The following CORO2B variants were observed in gnomAD, a reference collection of about 807,000 sequenced individuals.
CORO2B encodes the protein coronin-2B.
A neutral mutation model predicts 58.8 loss-of-function variants in CORO2B; 26 were observed. The ratio of observed to expected loss-of-function variants is 0.44; its 90% CI spans 0.32 to 0.61. The LOEUF (loss-of-function observed/expected upper bound fraction) is 0.61. Ranked by LOEUF, CORO2B falls within the 20% of genes least tolerant of loss-of-function variation. The probability of loss-of-function intolerance (pLI) is 0.04; values close to 1 mark genes in which losing one functional copy is unlikely to be tolerated. For missense variants in CORO2B, 460 were observed against 645.1 expected, an observed-to-expected ratio of 0.71 and a Z score of 3.11; for synonymous variants, 242 against 253.8, an observed-to-expected ratio of 0.95 and a Z score of 0.44.
Position 68,726,095 on chromosome 15 carries a change from C to T in CORO2B, c.*121C>T, listed in dbSNP as rs1893292637. The T allele has an allele frequency of 5.4e-6, 7 of 1,284,598 alleles. No homozygotes were observed. Among genetic ancestry groups the T allele is most frequent in the South Asian group, 1.3e-5 (1 of 75,308 alleles). The allele number at this position is 1,284,598 out of a possible 1,614,324, so 79.6% of individuals were successfully genotyped here. ...ACAGGAGTGGGGGCCAGCCTGAGGACCCCCGCCTACCACCTCGAGAACTGG... is the reference window on the plus strand; with the variant it reads ...ACAGGAGTGGGGGCCAGCCTGAGGATCCCCGCCTACCACCTCGAGAACTGG... On this transcript the variant is annotated 3_prime_UTR_variant, in exon 12 of 12. Transcript: ENST00000261861.
intron 1 of CORO2B, among the ~76,000 whole-genome samples, chr15:68,633,379 AC>A (rs376134918): frequency 2.9e-4 from 44 of 152,282 alleles, no homozygotes; most frequent in African/African-American, 1.0e-3. Flanking sequence ...ATGTTTTCAA[AC>A]AAAAACCCAT....
chr15:68,566,292 G>T, the CORO2B span, among the ~76,000 whole-genome samples: 5,911 of 152,214 alleles, frequency 0.039, 145 homozygotes, highest in Middle Eastern at 0.078. Flanking sequence ...CCATTTGATA[G>T]GAGAGGAAAC....
chr15:68,529,334 A>T, the CORO2B span, among the ~76,000 whole-genome samples: 6 of 152,188 alleles, frequency 3.9e-5, no homozygotes, highest in Non-Finnish European at 5.9e-5. Context: ...TGTTCTTTTC[A>T]AGTCATATCA....
chr15:68,690,190 T>C (rs1040200431), intron 2 of CORO2B, among the ~76,000 whole-genome samples: 1 of 152,222 alleles, frequency 6.6e-6, no homozygotes, highest in African/African-American at 2.4e-5. Context: ...AAATCAGTGA[T>C]CGTGGGAATA....
In CORO2B at chr15:68,725,834, C is replaced by A; in HGVS notation, c.1312-9C>A. On this transcript the variant is annotated splice_polypyrimidine_tract_variant and intron_variant, in intron 11 of 11. Transcript: ENST00000261861. ...GCCCTCCTTGGCCCCCTCTCTTCCTCCACCCCAGCTCCTTCGAATGTTCTT... is the reference window on the plus strand; with the variant it reads ...GCCCTCCTTGGCCCCCTCTCTTCCTACACCCCAGCTCCTTCGAATGTTCTT... 6.2e-7 allele frequency: 1 copy of A among 1,613,428 alleles called. No individual in the cohort carries two copies. The highest frequency in any genetic ancestry group is 2.2e-5 in the East Asian group (1 of 44,878).
chr15:68,655,080 G>A (rs1244147051), intron 2 of CORO2B, among the ~76,000 whole-genome samples: 12 of 152,178 alleles, frequency 7.9e-5, no homozygotes, highest in Non-Finnish European at 1.8e-4. Context: ...ATGGAGCCTG[G>A]TGGTGCCCCT....
At chr15:68,585,819 T>C (rs187275276) in intron 1 of CORO2B, among the ~76,000 whole-genome samples, 59 of 152,096 alleles carry the variant, frequency 3.9e-4, no homozygotes, top group African/African-American at 1.4e-3. Flanking sequence ...CGGGGAAGGG[T>C]GCTGGGGGAG....
chr15:68,694,732 G>A (rs1156395092), intron 2 of CORO2B, among the ~76,000 whole-genome samples: 1 of 152,226 alleles, frequency 6.6e-6, no homozygotes, highest in Non-Finnish European at 1.5e-5. Flanking sequence ...CAGCATCTGA[G>A]CGTGCGTGAA....
chr15:68,698,560 GCA>G (rs1181314767), intron 3 of CORO2B, among the ~76,000 whole-genome samples: 1 of 152,178 alleles, frequency 6.6e-6, no homozygotes, highest in East Asian at 1.9e-4. Context: ...GTTCAGTTTT[GCA>G]CACACTGACT....
intron 1 of CORO2B, among the ~76,000 whole-genome samples, chr15:68,614,508 C>T (rs1900307795): frequency 6.6e-6 from 1 of 152,132 alleles, no homozygotes; most frequent in African/African-American, 2.4e-5. Flanking sequence ...GCATACCAGA[C>T]CCTGCCAAGT....
At chr15:68,680,752 G>T (rs1466355554) in intron 2 of CORO2B, among the ~76,000 whole-genome samples, 2 of 152,164 alleles carry the variant, frequency 1.3e-5, no homozygotes, top group East Asian at 3.8e-4. Context: ...ATCTCACTAA[G>T]CTTCAGTTTC....
chr15:68,670,755 A>T (rs1902364207), intron 2 of CORO2B, among the ~76,000 whole-genome samples: 1 of 152,228 alleles, frequency 6.6e-6, no homozygotes, highest in Admixed American at 6.5e-5. Flanking sequence ...AAAGGAAAAC[A>T]ATGAGATATT....
chr15:68,633,514 TACACACACAC>T (rs147873341), intron 1 of CORO2B, among the ~76,000 whole-genome samples: 3 of 144,000 alleles, frequency 2.1e-5, no homozygotes, highest in African/African-American at 5.2e-5. Context: ...TACTCCAACA[TACACACACAC>T]ACACACACAC....
chr15:68,713,353 G>C (rs1003364626), intron 5 of CORO2B, among the ~76,000 whole-genome samples: 2 of 152,144 alleles, frequency 1.3e-5, no homozygotes, highest in Non-Finnish European at 2.9e-5. Flanking sequence ...CTCCCCTCTC[G>C]CTCCCTGTTC....
chr15:68,673,760 G>C (rs992812134), intron 2 of CORO2B, among the ~76,000 whole-genome samples: 2 of 149,558 alleles, frequency 1.3e-5, no homozygotes, highest in African/African-American at 2.5e-5. Context: ...TCACCTGAAC[G>C]GGGGAGACAG....
At chr15:68,660,726 C>T (rs1275812049) in intron 2 of CORO2B, among the ~76,000 whole-genome samples, 1 of 152,172 alleles carries the variant, frequency 6.6e-6, no homozygotes, top group Non-Finnish European at 1.5e-5. Context: ...TATCCACAAT[C>T]TCTTTCATTA....
At chr15:68,582,640 T>C (rs1899456096) in intron 1 of CORO2B, among the ~76,000 whole-genome samples, 1 of 152,204 alleles carries the variant, frequency 6.6e-6, no homozygotes, top group African/African-American at 2.4e-5. Context: ...ACAAGGTACA[T>C]TAATAGAGTC....
chr15:68,569,589 A>C, the CORO2B span, among the ~76,000 whole-genome samples: 1 of 152,266 alleles, frequency 6.6e-6, no homozygotes, highest in Middle Eastern at 3.2e-3. Flanking sequence ...GAACAAAGCT[A>C]CTGAAAACAT....
chr15:68,680,934 C>T (rs755123718), intron 2 of CORO2B, among the ~76,000 whole-genome samples: 2 of 152,164 alleles, frequency 1.3e-5, no homozygotes, highest in Admixed American at 6.5e-5. Context: ...GGAAAAGGGG[C>T]CGGGCGCGGT....
Sources: allele counts gnomAD v4.1 joint callset (sites outside exome capture counted in the v4.1 genomes callset), GRCh38; gene constraint gnomAD v4.1.1; transcripts MANE v1.5; gene names NCBI Gene and HGNC (gene_info 2026-07-23, HGNC 2026-07-21).